The following TRAK1 variants were observed in gnomAD, a reference collection of about 807,000 sequenced individuals.
The protein encoded by TRAK1 is trafficking kinesin-binding protein 1.
In TRAK1, 33 loss-of-function variants were observed where a neutral mutation model predicts 92.1. That is an observed-to-expected ratio of 0.36 (90% CI 0.27 to 0.48). The LOEUF (loss-of-function observed/expected upper bound fraction) is 0.48. Among genes scored for constraint, TRAK1 ranks in the 20% least tolerant of loss-of-function variants. The pLI is 0.99. For synonymous variants in TRAK1, 521 were observed against 517.3 expected (o/e 1.01, Z -0.10); for missense variants, 1,123 against 1,257.9 (o/e 0.89, Z 1.62).
chr3:42,109,722 A>C (rs1708076377), intron 1 of TRAK1, among the ~76,000 whole-genome samples: 1 of 152,138 alleles, frequency 6.6e-6, no homozygotes, highest in Non-Finnish European at 1.5e-5. Flanking sequence ...TCAATGATAG[A>C]CTGGATTAAG....
rs759342477 is a variant in TRAK1 at position 42,223,958 on chromosome 3, TC to T, written c.*223del. ...ACCTTGTGTCCGCCCTGCTCTTTCT[TC>T]CGATCCCACAGGAAGTGCCCCTGCA... On this transcript the variant is annotated 3_prime_UTR_variant, in exon 16 of 16. Transcript: ENST00000327628. The surrounding 1 kb of genome is among the most constrained non-coding windows in gnomAD (Gnocchi z 6.1). 3.4e-5 allele frequency: 22 copies of T among 649,412 alleles called. No individual in the cohort carries two copies. Among genetic ancestry groups the T allele is most frequent in the Non-Finnish European group, 6.0e-5 (22 of 363,932 alleles). 40.2% of individuals were successfully genotyped at this position (649,412 alleles called of 1,614,324 possible). A position where few individuals can be genotyped will look rare whatever the true frequency, so the allele number is the denominator to read the frequency against.
chr3:42,210,457 C>T, intron 14 of TRAK1: 3 of 1,264,672 alleles, frequency 2.4e-6, no homozygotes, highest in Non-Finnish European at 3.0e-6. Context: ...AACATCAGTG[C>T]CCTTCTTCCT....
chr3:42,203,015 T>C, intron 13 of TRAK1: 1 of 1,266,764 alleles, frequency 7.9e-7, no homozygotes, highest in Non-Finnish European at 9.9e-7. Flanking sequence ...TGTGGTCTTC[T>C]AGTTCTTTCC....
At chr3:42,126,827 A>G (rs558408613) in intron 2 of TRAK1, among the ~76,000 whole-genome samples, 1 of 152,214 alleles carries the variant, frequency 6.6e-6, no homozygotes, top group East Asian at 1.9e-4. Flanking sequence ...TTTAGGGTGT[A>G]TCTAGGGATG....
At chr3:42,217,296 C>T (rs1011678948) in intron 14 of TRAK1, 8 of 985,280 alleles carry the variant, frequency 8.1e-6, no homozygotes, top group Middle Eastern at 5.2e-4. Context: ...GGAGAGCCCA[C>T]GGGTCCAGGC....
At chr3:42,060,068 T>G (rs1339362135) in intron 1 of TRAK1, among the ~76,000 whole-genome samples, 1 of 152,110 alleles carries the variant, frequency 6.6e-6, no homozygotes, top group African/African-American at 2.4e-5. Flanking sequence ...TCCCAATGAT[T>G]CCAGAGAACC....
At chr3:42,086,574 C>G (rs1036622394), upstream of TRAK1, among the ~76,000 whole-genome samples, 4 of 152,058 alleles carry the variant, frequency 2.6e-5, no homozygotes, top group Non-Finnish European at 5.9e-5. Context: ...ACCTCGGCCT[C>G]TCAAGGTGCT....
intron 1 of TRAK1, among the ~76,000 whole-genome samples, chr3:42,048,562 TTTTC>T (rs1433590286): frequency 1.8e-5 from 2 of 110,544 alleles, no homozygotes; most frequent in African/African-American, 8.5e-5. Context: ...TCTACAGTTC[TTTTC>T]TTTTTTTTTT....
intron 1 of TRAK1, among the ~76,000 whole-genome samples, chr3:42,064,864 G>A (rs1489555555): frequency 6.6e-6 from 1 of 151,968 alleles, no homozygotes. Context: ...CATCCTGGCT[G>A]ACACGGTGAA....
rs548999397 is a variant in TRAK1, at chr3:42,153,737, C to T, written c.287-23077C>T. Among the ~76,000 whole-genome samples, 23 of 152,242 alleles carry T rather than the reference C, an allele frequency of 1.5e-4. No individual in the cohort carries two copies. In the South Asian group the frequency reaches 3.5e-3, roughly 23 times the overall value. On this transcript the variant is annotated intron_variant, in intron 2 of 15. Transcript: ENST00000327628. ...TCACCCAAGATGGCGGTGGCTGGTT[C>T]GTGAGTGTTTTTTTTCTTTTTGTGC...
chr3:42,199,034 C>A, intron 10 of TRAK1, 143 bp from the exon 11 acceptor site: 1 of 768,936 alleles, frequency 1.3e-6, no homozygotes, highest in Non-Finnish European at 2.2e-6. Context: ...ACAGAGAGTG[C>A]TGTTAAGTTT....
intron 1 of TRAK1, among the ~76,000 whole-genome samples, chr3:42,076,897 C>T (rs1229608727): frequency 2.6e-5 from 4 of 152,084 alleles, no homozygotes; most frequent in African/African-American, 9.7e-5. Context: ...AGTCCTTTCC[C>T]TATTGCTTGT....
At chr3:42,092,761 ATG>A (rs1385293675) in intron 1 of TRAK1, among the ~76,000 whole-genome samples, 13 of 150,758 alleles carry the variant, frequency 8.6e-5, no homozygotes, top group East Asian at 1.9e-4. Flanking sequence ...ATGTTATGTT[ATG>A]TTATGTTATT....
chr3:42,074,335 C>T (rs144007843), intron 1 of TRAK1, among the ~76,000 whole-genome samples: 2 of 152,126 alleles, frequency 1.3e-5, no homozygotes, highest in African/African-American at 2.4e-5. Context: ...CTGGGGCTGT[C>T]GACGCTTTAA....
intron 9 of TRAK1, 69 bp downstream of exon 9, chr3:42,193,967 G>A: frequency 7.1e-7 from 1 of 1,404,560 alleles, no homozygotes; most frequent in South Asian, 1.2e-5. Context: ...TTCCCGGACA[G>A]CTTTAGTCAC....
chr3:42,160,153 C>G (rs537622490), intron 2 of TRAK1: 2 of 1,313,424 alleles, frequency 1.5e-6, no homozygotes, highest in Admixed American at 7.1e-5. Context: ...GAGCCACCCC[C>G]TTCCGGGTCC....
At chr3:42,126,081 C>G (rs1393927459) in intron 2 of TRAK1, among the ~76,000 whole-genome samples, 1 of 151,248 alleles carries the variant, frequency 6.6e-6, no homozygotes, top group Non-Finnish European at 1.5e-5. Flanking sequence ...CCTGAGCACT[C>G]CTGACCTTAA....
intron 4 of TRAK1, 110 bp from the exon 5 acceptor site, chr3:42,187,935 G>T: frequency 1.1e-6 from 1 of 897,434 alleles, no homozygotes. Flanking sequence ...ACTTTCAATG[G>T]TGAATTTTCA....
upstream of TRAK1, among the ~76,000 whole-genome samples, chr3:42,083,100 C>T (rs1704511135): frequency 1.3e-5 from 2 of 152,196 alleles, no homozygotes; most frequent in African/African-American, 4.8e-5. Flanking sequence ...CAAATGTATA[C>T]TCCTCGCCTT....
Sources: gnomAD v4.1 joint callset for allele counts (sites outside exome capture counted in the v4.1 genomes callset) on GRCh38, gnomAD v4.1.1 for gene constraint, Gnocchi (gnomAD v3.1) non-coding constraint, MANE v1.5 for transcripts, NCBI Gene and HGNC (gene_info 2026-07-23, HGNC 2026-07-21) for gene names.